The following AATF variants were observed in gnomAD, a reference collection of about 807,000 sequenced individuals.
The protein encoded by AATF is protein AATF.
A neutral mutation model predicts 63.7 loss-of-function variants in AATF; 48 were observed. The observed-to-expected ratio is 0.75, with a 90% CI of 0.60 to 0.96. The LOEUF (loss-of-function observed/expected upper bound fraction) is 0.96, where lower values mean the gene tolerates loss of function less well. AATF is among the 40% of genes least tolerant of loss of function. AATF has a pLI of 0.00. For missense variants in AATF, 639 were observed against 685.7 expected, an observed-to-expected ratio of 0.93 and a Z score of 0.76; for synonymous variants, 258 against 247.7, an observed-to-expected ratio of 1.04 and a Z score of -0.39.
intron 4 of AATF, among the ~76,000 whole-genome samples, chr17:36,959,427 A>G (rs1490278090): frequency 2.0e-5 from 3 of 152,220 alleles, no homozygotes; most frequent in Non-Finnish European, 4.4e-5. Flanking sequence ...TGGGTGACAG[A>G]GCGAGAGTCT....
At chr17:36,972,521 G>T (rs1202003479) in intron 4 of AATF, among the ~76,000 whole-genome samples, 1 of 152,104 alleles carries the variant, frequency 6.6e-6, no homozygotes, top group East Asian at 1.9e-4. Context: ...TGCACTGCAG[G>T]AAAAGTTTAT....
At chr17:37,014,132 C>G (rs2071412044) in intron 8 of AATF, among the ~76,000 whole-genome samples, 1 of 151,984 alleles carries the variant, frequency 6.6e-6, no homozygotes, top group Non-Finnish European at 1.5e-5. Flanking sequence ...TTGTTGAGTC[C>G]TTACGTGTAT....
intron 4 of AATF, among the ~76,000 whole-genome samples, chr17:36,979,834 C>T (rs939385923): frequency 6.6e-6 from 1 of 151,956 alleles, no homozygotes; most frequent in Non-Finnish European, 1.5e-5. Context: ...TGTTGGACAG[C>T]CTAGATGAAT....
chr17:36,979,709 A>T (rs2071106335), intron 4 of AATF, among the ~76,000 whole-genome samples: 1 of 151,940 alleles, frequency 6.6e-6, no homozygotes, highest in Non-Finnish European at 1.5e-5. Flanking sequence ...TTATACACTC[A>T]CTCTTCCTGT....
intron 4 of AATF, among the ~76,000 whole-genome samples, chr17:36,958,454 T>C (rs8080201): frequency 0.038 from 5,838 of 152,208 alleles, 372 homozygotes; most frequent in African/African-American, 0.13. Context: ...TATGAGCCAC[T>C]GTGCCTGGCC....
At chr17:36,960,304 AC>A (rs1292329433) in intron 4 of AATF, among the ~76,000 whole-genome samples, 18 of 152,200 alleles carry the variant, frequency 1.2e-4, no homozygotes, top group Admixed American at 7.2e-4. Context: ...GAGCCACTGC[AC>A]CCGGCTAGAC....
chr17:36,962,949 C>T (rs549065716), intron 4 of AATF, among the ~76,000 whole-genome samples: 120 of 152,222 alleles, frequency 7.9e-4, no homozygotes, highest in African/African-American at 2.6e-3. Flanking sequence ...GAAATCCCCT[C>T]TCTATTAAAA....
chr17:37,042,463 G>C (rs1259848134), intron 11 of AATF, among the ~76,000 whole-genome samples: 1 of 150,990 alleles, frequency 6.6e-6, no homozygotes, highest in African/African-American at 2.4e-5. Flanking sequence ...TGCCCAGGCT[G>C]GAGTACAGTA....
intron 8 of AATF, among the ~76,000 whole-genome samples, chr17:36,992,975 G>A (rs745992126): frequency 5.3e-5 from 8 of 152,270 alleles, no homozygotes; most frequent in Non-Finnish European, 7.3e-5. Flanking sequence ...ATCTCCGGAA[G>A]CATTCCAGAT....
intron 4 of AATF, among the ~76,000 whole-genome samples, chr17:36,981,807 G>GT (rs2071127884): frequency 6.6e-6 from 1 of 150,576 alleles, no homozygotes; most frequent in Admixed American, 6.6e-5. Flanking sequence ...AAAGTGTTGG[G>GT]TTTACAGGCA....
At chr17:37,037,637 T>C (rs1183059840) in intron 11 of AATF, among the ~76,000 whole-genome samples, 1 of 152,146 alleles carries the variant, frequency 6.6e-6, no homozygotes, top group Non-Finnish European at 1.5e-5. Flanking sequence ...TATCAGAATA[T>C]CACATGCCCC....
At chr17:37,006,595 A>C (rs897757337) in intron 8 of AATF, among the ~76,000 whole-genome samples, 3 of 152,208 alleles carry the variant, frequency 2.0e-5, no homozygotes, top group African/African-American at 7.2e-5. Context: ...CTCTGTCTTC[A>C]CTCATCAGGG....
chr17:37,023,315 G>GA (rs1463459595), intron 10 of AATF, among the ~76,000 whole-genome samples: 7 of 151,992 alleles, frequency 4.6e-5, no homozygotes, highest in African/African-American at 1.2e-4. Flanking sequence ...AGTTTGAAAA[G>GA]AAAAAACCAG....
At chr17:36,994,487 AT>A (rs1457286753) in intron 8 of AATF, among the ~76,000 whole-genome samples, 3 of 152,260 alleles carry the variant, frequency 2.0e-5, no homozygotes, top group African/African-American at 7.2e-5. Flanking sequence ...AGTATAGCCA[AT>A]GGTGAAGGTT....
At chr17:36,955,726 G>T (rs1165135979) in intron 4 of AATF, among the ~76,000 whole-genome samples, 1 of 152,142 alleles carries the variant, frequency 6.6e-6, no homozygotes, top group East Asian at 1.9e-4. Flanking sequence ...GGGTTAGTCA[G>T]TGTCCAGTAT....
chr17:37,000,377 G>A (rs2071284912), intron 8 of AATF, among the ~76,000 whole-genome samples: 2 of 152,180 alleles, frequency 1.3e-5, no homozygotes, highest in South Asian at 4.1e-4. Context: ...GGAAAAAACA[G>A]TGAGAGAAGC....
chr17:36,953,974 A>G lies in AATF; in HGVS notation c.832+67A>G. 3 of 1,532,684 alleles carry G rather than the reference A, an allele frequency of 2.0e-6. No individual in the cohort carries two copies. In the South Asian group the frequency reaches 3.6e-5, roughly 19 times the overall value. 94.9% of individuals were successfully genotyped at this position (1,532,684 alleles called of 1,614,324 possible). A position where few individuals can be genotyped will look rare whatever the true frequency, so the allele number is the denominator to read the frequency against. On this transcript the variant is annotated intron_variant, in intron 4 of 11. Transcript: ENST00000619387. ...TGTCAAATGAAGACAGCTTTGATTG[A>G]AGTGGACTGGGAGCTTGAGCCATGT...
chr17:37,038,348 A>T (rs552603088), intron 11 of AATF, among the ~76,000 whole-genome samples: 22 of 152,258 alleles, frequency 1.4e-4, no homozygotes, highest in African/African-American at 5.1e-4. Flanking sequence ...ACAAATACTG[A>T]CTGAGACCCC....
At chr17:37,021,824 ATAATAATAAT>A (rs1440153134) in intron 10 of AATF, among the ~76,000 whole-genome samples, 5 of 138,824 alleles carry the variant, frequency 3.6e-5, no homozygotes, top group African/African-American at 1.2e-4. Context: ...AAAAAAAATA[ATAATAATAAT>A]AATAATAAAT....
Sources: allele counts gnomAD v4.1 joint callset (sites outside exome capture counted in the v4.1 genomes callset), GRCh38; gene constraint gnomAD v4.1.1; transcripts MANE v1.5; gene names NCBI Gene and HGNC (gene_info 2026-07-23, HGNC 2026-07-21).